NKAP: variants seen among roughly 807,000 people sequenced by gnomAD.
NKAP encodes NF-kappa-B-activating protein.
Under a neutral mutation model 35.6 loss-of-function variants are expected in NKAP, and 4 were observed. The observed-to-expected ratio is 0.11, with a 90% CI of 0.06 to 0.26. The LOEUF (loss-of-function observed/expected upper bound fraction) is 0.26. Among genes scored for constraint, NKAP ranks in the 10% least tolerant of loss-of-function variants. NKAP has a pLI of 1.00. For missense variants in NKAP, 238 were observed against 321.9 expected (o/e 0.74, Z 1.99); for synonymous variants, 106 against 119.2 (o/e 0.89, Z 0.72).
rs1174946965 is a variant in NKAP at position 119,938,747 on chromosome X, T to G, written c.450A>C (p.Pro150=). ...CCACTTACTCTGGTTCAGGATTCTT[T>G]GGAGAAAGTCCCCATACTTCAGGAG... The part of the protein sequence containing the change: ...LGAPEVWGLS[P]KNPEPDSDEH... The change falls in exon 2 of 9, where the codon CCA becomes CCC. Residue 150 remains proline, a synonymous_variant. Coordinates refer to ENST00000371410, the MANE Select transcript of NKAP (RefSeq NM_024528.4). 6.7e-6 allele frequency: 8 copies of G among 1,193,104 alleles called. No individual in the cohort carries two copies. The Admixed American group carries it at 1.1e-4, about 17-fold the overall frequency.
chrX:119,936,354 G>T lies in NKAP; in HGVS notation c.616C>A (p.His206Asn). The change falls in exon 4 of 9, where the codon CAT becomes AAT. Residue 206 changes from histidine to asparagine, a missense_variant. His to Asn is a moderately conservative substitution (Grantham distance 68, BLOSUM62 1). This residue lies in a region of NKAP where 89 missense variants were observed against 91.7 expected (regional missense o/e 0.97). Coordinates refer to ENST00000371410, the MANE Select transcript of NKAP (RefSeq NM_024528.4). Reference protein sequence around the residue: ...RRKKKSSKRKHKKYSEDSDSD... With the variant: ...RRKKKSSKRKNKKYSEDSDSD... ...TCGCTATCTTCAGAATACTTCTTAT[G>T]TTTTCTTTTCGATGATTTTTTCTTT... 1 of 1,192,894 alleles carries T rather than the reference G, an allele frequency of 8.4e-7. No homozygotes were observed. Among genetic ancestry groups the T allele is most frequent in the Non-Finnish European group, 1.1e-6 (1 of 888,138 alleles).
chrX:119,942,663 G>T (rs2056798771), intron 1 of NKAP, among the ~76,000 whole-genome samples: 1 of 111,340 alleles, frequency 9.0e-6, no homozygotes, highest in African/African-American at 3.3e-5. Flanking sequence ...TAATCGTCTT[G>T]TCTGAGGGGA....
In NKAP at chrX:119,924,655, T is replaced by A. The variant is rs112348129; in HGVS notation, c.*565A>T. On this transcript the variant is annotated 3_prime_UTR_variant, in exon 9 of 9. Coordinates refer to ENST00000371410, the MANE Select transcript of NKAP (RefSeq NM_024528.4). The stretch of plus-strand genomic sequence containing the variant: ...ATCCACCCGCCTTGGCCTCCCAAAG[T>A]GCTGGGATTACAGGCGTGAGCCACC... The A allele has an allele frequency of 5.6e-3, 597 of 107,141 alleles. No individual in the cohort carries two copies. Among genetic ancestry groups the A allele is most frequent in the African/African-American group, 0.02 (565 of 27,994 alleles). 8.8% of individuals were successfully genotyped at this position (107,141 alleles called of 1,213,427 possible).
intron 8 of NKAP, among the ~76,000 whole-genome samples, chrX:119,929,513 AATTT>A (rs2056730939): frequency 9.0e-6 from 1 of 111,716 alleles, no homozygotes; most frequent in Non-Finnish European, 1.9e-5. Context: ...GTCTTTTTAA[AATTT>A]ATTTATTTAT....
Position 119,935,658 on chromosome X carries a change from A to G in NKAP, c.673+639T>C, listed in dbSNP as rs1053684635. Among the ~76,000 whole-genome samples the G allele has an allele frequency of 1.4e-4, 16 of 111,626 alleles. No homozygotes were observed. The Admixed American group carries it at 1.5e-3, about 11-fold the overall frequency. On this transcript the variant is annotated intron_variant, in intron 4 of 8. Coordinates refer to ENST00000371410, the MANE Select transcript of NKAP (RefSeq NM_024528.4). ...AGGAAGAGAAGTGACAGGGAGGGCC[A>G]GGAAACTTCGGCGATATCAGAGGAA...
intron 1 of NKAP, among the ~76,000 whole-genome samples, chrX:119,940,964 AC>A (rs1335594543): frequency 9.1e-6 from 1 of 109,860 alleles, no homozygotes; most frequent in Non-Finnish European, 1.9e-5. Flanking sequence ...ACATGGCGAA[AC>A]CCCGTCTCTA....
At chrX:119,941,626 TTTTG>T (rs1189589661) in intron 1 of NKAP, among the ~76,000 whole-genome samples, 2 of 111,284 alleles carry the variant, frequency 1.8e-5, no homozygotes, top group African/African-American at 3.3e-5. Flanking sequence ...CTTTGTTTTT[TTTTG>T]TTTGTTTGTT....
chrX:119,929,160 TG>T (rs2147844972), intron 8 of NKAP, among the ~76,000 whole-genome samples: 1 of 112,100 alleles, frequency 8.9e-6, no homozygotes, highest in East Asian at 2.8e-4. Context: ...CCTCCCAAAG[TG>T]CTGGGATTAC....
At chrX:119,929,178 G>C (rs922126135) in intron 8 of NKAP, among the ~76,000 whole-genome samples, 1 of 112,008 alleles carries the variant, frequency 8.9e-6, no homozygotes, top group Admixed American at 9.5e-5. Flanking sequence ...TTACAGGCAT[G>C]AGCCACCGTG....
Position 119,943,707 on chromosome X carries a change from G to A in NKAP, c.-102C>T. On this transcript the variant is annotated 5_prime_UTR_variant, in exon 1 of 9. Transcript: ENST00000371410. Reference sequence around the variant, plus strand: ...TCCCGGGACCTGCCGCTGCGGAACAGCCCAAATCTGAGGAAACCTTGGACA... The same window carrying A: ...TCCCGGGACCTGCCGCTGCGGAACAACCCAAATCTGAGGAAACCTTGGACA... The A allele has an allele frequency of 1.0e-6, 1 of 954,130 alleles. No individual in the cohort carries two copies. Among genetic ancestry groups the A allele is most frequent in the East Asian group, 3.3e-5 (1 of 30,503 alleles). The allele number at this position is 954,130 out of a possible 1,213,427, so 78.6% of individuals were successfully genotyped here.
At position 119,943,742 on chromosome X, in the gene NKAP, G is replaced by A; in HGVS notation, c.-137C>T. 1.4e-6 allele frequency: 1 copy of A among 729,865 alleles called. No homozygotes were observed. The highest frequency in any genetic ancestry group is 1.9e-6 in the Non-Finnish European group (1 of 528,341). The allele number at this position is 729,865 out of a possible 1,213,427, so 60.1% of individuals were successfully genotyped here. On this transcript the variant is annotated 5_prime_UTR_variant, in exon 1 of 9. Coordinates refer to ENST00000371410, the MANE Select transcript of NKAP (RefSeq NM_024528.4). ...GAGGAAACCTTGGACACAGTTCTGG[G>A]TACTTCTGCAAAACCCTTCCCCGGA...
chrX:119,934,552 C>T lies in NKAP; in HGVS notation c.679G>A (p.Asp227Asn). 1 of 1,131,119 alleles carries T rather than the reference C, an allele frequency of 8.8e-7. No individual in the cohort carries two copies. The highest frequency in any genetic ancestry group is 1.2e-6 in the Non-Finnish European group (1 of 857,845). The allele number at this position is 1,131,119 out of a possible 1,213,427, so 93.2% of individuals were successfully genotyped here. Residue 227 changes from aspartate (D) to asparagine (N), a missense_variant, in exon 5 of 9, where the codon GAT (aspartate) becomes AAT (asparagine). Around this residue, in one of 5 missense-constraint regions of NKAP, gnomAD observed 89 missense variants for 91.7 expected, o/e 0.97. Coordinates refer to ENST00000371410, the MANE Select transcript of NKAP (RefSeq NM_024528.4). ...GCTTTCTTTGCTCTCCTTTTGTTATCTTCATCTGCAAATTAAAGCACATTA... is the reference window on the plus strand; with the variant it reads ...GCTTTCTTTGCTCTCCTTTTGTTATTTTCATCTGCAAATTAAAGCACATTA... ...SDSETDSSDE[D>N]NKRRAKKAKK...
At chrX:119,936,781 G>A (rs2056768809) in intron 2 of NKAP, 99 bp from the exon 3 acceptor site, 2 of 604,787 alleles carry the variant, frequency 3.3e-6, no homozygotes, top group Non-Finnish European at 5.4e-6. Context: ...TAACAGCATC[G>A]ATTGTCCAAG....
chrX:119,942,068 G>A (rs998896943), intron 1 of NKAP, among the ~76,000 whole-genome samples: 1 of 112,372 alleles, frequency 8.9e-6, no homozygotes, highest in Non-Finnish European at 1.9e-5. Context: ...AAAAAAATGA[G>A]AAACTTAGAA....
In NKAP at chrX:119,936,395, C is replaced by T. The variant is rs1603380454; in HGVS notation, c.575G>A (p.Arg192Lys). Residue 192 changes from arginine (R) to lysine (K), a missense_variant, in exon 4 of 9, where the codon AGG becomes AAG. Arg to Lys is a conservative substitution (Grantham distance 26). Transcript: ENST00000371410. ...KKKKSSRSKE[R>K]SKKRRKKKSS... ...TTTTTTCTTTCTCCTTTTCTTGGAC[C>T]TTTCTTTTGAACGGCTAGACTTCTT... 2 of 1,182,228 alleles carry T rather than the reference C, an allele frequency of 1.7e-6. No individual in the cohort carries two copies. Among genetic ancestry groups the T allele is most frequent in the African/African-American group, 1.8e-5 (1 of 56,074 alleles).
Position 119,920,695 on chromosome X carries a change from G to C in NKAP, c.*4525C>G. On this transcript the variant is annotated 3_prime_UTR_variant, in exon 9 of 9. Transcript: ENST00000371410. ...CGTCAAACCACAGAATATTTATTGA[G>C]TAATAAACTTGTGGCACACAATCCA... 1 of 683,174 alleles carries C rather than the reference G, an allele frequency of 1.5e-6. No individual in the cohort carries two copies. The allele number at this position is 683,174 out of a possible 1,213,427, so 56.3% of individuals were successfully genotyped here. A position where few individuals can be genotyped will look rare whatever the true frequency, so the allele number is the denominator to read the frequency against.
At chrX:119,936,269 G>C (rs1009633719) in intron 4 of NKAP, 28 bp downstream of exon 4, 106 of 1,191,195 alleles carry the variant, frequency 8.9e-5, no homozygotes, top group Non-Finnish European at 1.2e-4. Flanking sequence ...TTGAAGCAAG[G>C]CTTGCAGAAT....
At chrX:119,939,325 C>T (rs946293324) in intron 1 of NKAP, among the ~76,000 whole-genome samples, 3 of 112,024 alleles carry the variant, frequency 2.7e-5, no homozygotes, top group East Asian at 2.8e-4. Context: ...CTCGCTCTGT[C>T]GCCCAGGCTG....
chrX:119,922,854 T>C lies in NKAP; in HGVS notation c.*2366A>G, dbSNP rs758331568. 12 of 111,993 alleles carry C rather than the reference T, an allele frequency of 1.1e-4. No homozygotes were observed. Among genetic ancestry groups the C allele is most frequent in the Admixed American group, 4.8e-4 (5 of 10,399 alleles). The allele number at this position is 111,993 out of a possible 1,213,427, so 9.2% of individuals were successfully genotyped here. ...ATTTTACAATAGTATAATCAGAATG[T>C]CCTTATCACTCAGGTAATTTAAATT... On this transcript the variant is annotated 3_prime_UTR_variant, in exon 9 of 9. Coordinates refer to ENST00000371410, the MANE Select transcript of NKAP (RefSeq NM_024528.4).
Sources: allele counts gnomAD v4.1 joint callset (sites outside exome capture counted in the v4.1 genomes callset), GRCh38; gene constraint gnomAD v4.1.1; regional missense constraint gnomAD v4.1.1; transcripts MANE v1.5; gene names NCBI Gene and HGNC (gene_info 2026-07-23, HGNC 2026-07-21).